Variants in SLIT3 observed in about 807,000 individuals in gnomAD.
SLIT3 encodes slit guidance ligand 3, also known as slit homolog 3 protein.
SLIT3 carries 68 observed loss-of-function variants against 184.0 expected under a neutral mutation model. The ratio of observed to expected loss-of-function variants is 0.37; its 90% CI spans 0.30 to 0.45. The LOEUF is 0.45. Ranked by LOEUF, SLIT3 falls within the 20% of genes least tolerant of loss-of-function variation. SLIT3 has a pLI of 1.00. For synonymous variants in SLIT3, 831 were observed against 828.6 expected (o/e 1.00, Z -0.05); for missense variants, 1,707 against 2,026.0 (o/e 0.84, Z 3.02).
intron 4 of SLIT3, among the ~76,000 whole-genome samples, chr5:168,891,384 C>T (rs541940941): frequency 1.6e-4 from 24 of 152,288 alleles, no homozygotes; most frequent in Non-Finnish European, 2.9e-4. Flanking sequence ...GATGGTTACA[C>T]CCTCCCCTGG....
intron 4 of SLIT3, among the ~76,000 whole-genome samples, chr5:168,986,041 T>C (rs542875052): frequency 2.0e-4 from 30 of 152,318 alleles, no homozygotes; most frequent in African/African-American, 6.0e-4. Context: ...AAATGAAACG[T>C]CCAGCCTCAC....
intron 9 of SLIT3, among the ~76,000 whole-genome samples, chr5:168,803,346 T>C (rs1206191604): frequency 6.6e-6 from 1 of 152,274 alleles, no homozygotes. Context: ...ACATTGTTCT[T>C]GTTTTTCTCA....
At chr5:169,106,409 G>A (rs991535750) in intron 4 of SLIT3, among the ~76,000 whole-genome samples, 1 of 152,030 alleles carries the variant, frequency 6.6e-6, no homozygotes, top group Non-Finnish European at 1.5e-5. Context: ...GGAGAGATGA[G>A]GGAACTCAAT....
At chr5:169,041,417 G>A (rs563770389) in intron 4 of SLIT3, among the ~76,000 whole-genome samples, 3 of 151,854 alleles carry the variant, frequency 2.0e-5, no homozygotes, top group African/African-American at 7.2e-5. Flanking sequence ...GGATACCATG[G>A]GAGTACAGCA....
At chr5:169,170,348 G>A (rs1762778089) in intron 4 of SLIT3, among the ~76,000 whole-genome samples, 1 of 152,142 alleles carries the variant, frequency 6.6e-6, no homozygotes, top group Non-Finnish European at 1.5e-5. Flanking sequence ...ACTTCCAAAG[G>A]CAACCAAGGA....
intron 4 of SLIT3, among the ~76,000 whole-genome samples, chr5:169,027,461 C>G (rs1439756516): frequency 6.6e-6 from 1 of 152,216 alleles, no homozygotes; most frequent in Non-Finnish European, 1.5e-5. Context: ...GCCCACACTT[C>G]TCCAGCACAA....
intron 4 of SLIT3, among the ~76,000 whole-genome samples, chr5:168,960,060 T>C (rs573185867): frequency 1.3e-5 from 2 of 152,352 alleles, no homozygotes; most frequent in Admixed American, 1.3e-4. Flanking sequence ...CCATATAACA[T>C]GGCTGGTGGC....
At chr5:168,863,766 T>C (rs1392481197) in intron 5 of SLIT3, among the ~76,000 whole-genome samples, 3 of 152,152 alleles carry the variant, frequency 2.0e-5, no homozygotes, top group Admixed American at 1.3e-4. Context: ...GTTACACAAA[T>C]ATATGCACAT....
intron 1 of SLIT3, among the ~76,000 whole-genome samples, chr5:169,270,037 C>T (rs997062908): frequency 6.6e-6 from 1 of 152,146 alleles, no homozygotes; most frequent in Non-Finnish European, 1.5e-5. Context: ...AATGAAAATT[C>T]TCTTTACTCT....
chr5:169,245,227 G>A (rs1015106493), intron 2 of SLIT3, among the ~76,000 whole-genome samples: 5 of 152,012 alleles, frequency 3.3e-5, no homozygotes, highest in African/African-American at 4.8e-5. Flanking sequence ...ACTGGCTGTC[G>A]CTAAGAAAAC....
chr5:169,194,904 C>A (rs921928462), intron 3 of SLIT3, among the ~76,000 whole-genome samples: 2 of 152,126 alleles, frequency 1.3e-5, no homozygotes, highest in Non-Finnish European at 2.9e-5. Flanking sequence ...AGAGAGACGC[C>A]CTGCTGCATG....
In SLIT3 at chr5:168,841,744, C is replaced by T. The variant is rs183627788; in HGVS notation, c.557+2840G>A. Reference sequence around the variant, plus strand: ...GATGGAATAACAGGGTTATTGCATGCGAAATACTTCTACTTGCAGTTGACA... The same window carrying T: ...GATGGAATAACAGGGTTATTGCATGTGAAATACTTCTACTTGCAGTTGACA... On this transcript the variant is annotated intron_variant, in intron 6 of 35. Coordinates refer to ENST00000519560, the MANE Select transcript of SLIT3 (RefSeq NM_003062.4). Among the ~76,000 whole-genome samples the T allele has an allele frequency of 1.2e-4, 18 of 152,228 alleles. No individual in the cohort carries two copies. In the East Asian group the frequency reaches 2.5e-3, roughly 21 times the overall value.
intron 3 of SLIT3, among the ~76,000 whole-genome samples, chr5:169,230,270 A>G (rs1764957588): frequency 6.6e-6 from 1 of 152,166 alleles, no homozygotes; most frequent in Admixed American, 6.5e-5. Flanking sequence ...CATGACTGGT[A>G]AGTGAAATGA....
At chr5:168,878,596 T>C (rs1759828540) in intron 5 of SLIT3, among the ~76,000 whole-genome samples, 1 of 152,250 alleles carries the variant, frequency 6.6e-6, no homozygotes, top group African/African-American at 2.4e-5. Flanking sequence ...GGTGTGTTAC[T>C]GATGGATGGT....
At chr5:169,186,235 T>G (rs1316707656) in intron 4 of SLIT3, among the ~76,000 whole-genome samples, 1 of 152,132 alleles carries the variant, frequency 6.6e-6, no homozygotes, top group African/African-American at 2.4e-5. Flanking sequence ...GGTGGATCCC[T>G]AATCCAACAT....
At chr5:169,052,313 T>G (rs1035384879) in intron 4 of SLIT3, among the ~76,000 whole-genome samples, 1 of 152,120 alleles carries the variant, frequency 6.6e-6, no homozygotes, top group Non-Finnish European at 1.5e-5. Flanking sequence ...GGACGGCCTG[T>G]GAAAGTACTA....
At chr5:168,983,302 A>G (rs944372871) in intron 4 of SLIT3, among the ~76,000 whole-genome samples, 2 of 152,216 alleles carry the variant, frequency 1.3e-5, no homozygotes, top group African/African-American at 4.8e-5. Flanking sequence ...ACTCCCCAAG[A>G]TCACCTAAAG....
chr5:169,194,847 A>C (rs1208652061), intron 3 of SLIT3, among the ~76,000 whole-genome samples: 1 of 152,188 alleles, frequency 6.6e-6, no homozygotes, highest in East Asian at 1.9e-4. Context: ...ACACAGAGCC[A>C]TCATTATGAT....
At chr5:168,673,633 A>G (rs1175105372) in intron 32 of SLIT3, among the ~76,000 whole-genome samples, 2 of 152,216 alleles carry the variant, frequency 1.3e-5, no homozygotes, top group Non-Finnish European at 2.9e-5. Flanking sequence ...TAGATACCTC[A>G]GTGTGCATTT....
Sources: gnomAD v4.1 joint callset for allele counts (sites outside exome capture counted in the v4.1 genomes callset) on GRCh38, gnomAD v4.1.1 for gene constraint, MANE v1.5 for transcripts, NCBI Gene and HGNC (gene_info 2026-07-23, HGNC 2026-07-21) for gene names.